The following CADM2 variants were observed in gnomAD, a reference collection of about 807,000 sequenced individuals.
CADM2 encodes the protein cell adhesion molecule 2.
In CADM2, 12 loss-of-function variants were observed where a neutral mutation model predicts 49.8. The observed-to-expected ratio is 0.24, with a 90% CI of 0.15 to 0.39. The LOEUF (loss-of-function observed/expected upper bound fraction) is 0.39, where lower values mean the gene tolerates loss of function less well. CADM2 is among the 10% of genes least tolerant of loss of function. The pLI is 1.00. For missense variants in CADM2, 378 were observed against 492.3 expected, an observed-to-expected ratio of 0.77 and a Z score of 2.20; for synonymous variants, 214 against 175.4, an observed-to-expected ratio of 1.22 and a Z score of -1.74.
chr3:85,904,031 C>T (rs1161327840), intron 5 of CADM2, among the ~76,000 whole-genome samples: 1 of 152,102 alleles, frequency 6.6e-6, no homozygotes, highest in Non-Finnish European at 1.5e-5. Context: ...GTGCTTATCT[C>T]ATCTAAACAC....
chr3:85,913,394 A>T (rs1038693898), intron 6 of CADM2, among the ~76,000 whole-genome samples: 1 of 152,210 alleles, frequency 6.6e-6, no homozygotes, highest in Non-Finnish European at 1.5e-5. Context: ...TAGATAATGA[A>T]GATTTTGTTT....
intron 6 of CADM2, among the ~76,000 whole-genome samples, chr3:85,932,347 A>G (rs1720707889): frequency 6.6e-6 from 1 of 152,188 alleles, no homozygotes; most frequent in Non-Finnish European, 1.5e-5. Flanking sequence ...AGCCTTTTAG[A>G]TATCCAAGTG....
chr3:85,062,512 A>G (rs2036369623), intron 1 of CADM2, among the ~76,000 whole-genome samples: 1 of 152,000 alleles, frequency 6.6e-6, no homozygotes, highest in Non-Finnish European at 1.5e-5. Context: ...GACAGAGCTA[A>G]TAAAAACCAA....
chr3:86,068,885 T>C lies in CADM2; in HGVS notation c.*2102T>C, dbSNP rs1428925912. The C allele has an allele frequency of 3.3e-5, 5 of 152,394 alleles. No individual in the cohort carries two copies. Among genetic ancestry groups the C allele is most frequent in the African/African-American group, 1.2e-4 (5 of 41,426 alleles). 9.4% of individuals were successfully genotyped at this position (152,394 alleles called of 1,614,324 possible). On this transcript the variant is annotated 3_prime_UTR_variant, in exon 10 of 10. Transcript: ENST00000383699. ...GGAAAAATGCAATAATATGTTAATA[T>C]AGTATGGTAGTTTGAGAGAATCAGG...
At chr3:85,897,065 A>G (rs1228351311) in intron 5 of CADM2, among the ~76,000 whole-genome samples, 2 of 152,034 alleles carry the variant, frequency 1.3e-5, no homozygotes, top group Non-Finnish European at 2.9e-5. Context: ...ATTAATAGGT[A>G]TTTAGGAAAG....
chr3:85,992,770 T>C (rs1728941373), intron 8 of CADM2: 1 of 152,254 alleles, frequency 6.6e-6, no homozygotes, highest in Non-Finnish European at 1.5e-5. Flanking sequence ...TCTTTGCTGC[T>C]GGAGCATCTT....
chr3:85,538,145 G>A (rs924419216), intron 1 of CADM2, among the ~76,000 whole-genome samples: 4 of 152,062 alleles, frequency 2.6e-5, no homozygotes, highest in African/African-American at 9.7e-5. Context: ...TGGGTGTGGG[G>A]TTATGTGGTG....
At chr3:85,115,109 A>G (rs1262051967) in intron 1 of CADM2, among the ~76,000 whole-genome samples, 1 of 152,304 alleles carries the variant, frequency 6.6e-6, no homozygotes, top group African/African-American at 2.4e-5. Context: ...TTAATAGCCA[A>G]TTTACTTCTT....
In CADM2 at chr3:85,392,992, C is replaced by T. The variant is rs189821904; in HGVS notation, c.62-333530C>T. Among the ~76,000 whole-genome samples the T allele has an allele frequency of 2.5e-3, 383 of 151,360 alleles. 2 individuals carry two copies. The highest frequency in any genetic ancestry group is 8.9e-3 in the African/African-American group (366 of 41,322). ...GTGAATTGGAAGCAAATACAGTTTT[C>T]ATCAACTTGTACAGCTGAATTCCAT... is the stretch of plus-strand genomic sequence containing the variant. On this transcript the variant is annotated intron_variant, in intron 1 of 9. Transcript: ENST00000383699.
At position 85,493,604 on chromosome 3, in the gene CADM2, C is replaced by T. The variant is rs1478564440; in HGVS notation, c.62-232918C>T. Among the ~76,000 whole-genome samples, 3 of 152,060 alleles carry T rather than the reference C, an allele frequency of 2.0e-5. No homozygotes were observed. In the East Asian group the frequency reaches 5.8e-4, roughly 29 times the overall value. The stretch of plus-strand genomic sequence containing the variant: ...AATTATACTTCCTATTTTTAAAAAA[C>T]TTTATGTCTTTTTATTCTACTAGAG... On this transcript the variant is annotated intron_variant, in intron 1 of 9. Coordinates refer to ENST00000383699, the MANE Select transcript of CADM2 (RefSeq NM_001167675.2).
chr3:85,886,406 A>G, intron 5 of CADM2, 79 bp downstream of exon 5: 2 of 1,086,114 alleles, frequency 1.8e-6, no homozygotes, highest in Non-Finnish European at 2.7e-6. Flanking sequence ...ATTTTACATT[A>G]TTTTTCAAAA....
rs759556138 is a variant in CADM2 at position 85,944,180 on chromosome 3, G to A, written c.791+8323G>A. Among the ~76,000 whole-genome samples, 88 of 151,972 alleles carry A rather than the reference G, an allele frequency of 5.8e-4. 1 individual carries two copies. Among genetic ancestry groups the A allele is most frequent in the South Asian group, 1.2e-3 (6 of 4,818 alleles). ...AAGATCAAAAGAGACAAAAAAGGCC[G>A]TTACGTAATGGTAAAGGGATCAATT... is the stretch of plus-strand genomic sequence containing the variant. On this transcript the variant is annotated intron_variant, in intron 7 of 9. Coordinates refer to ENST00000383699, the MANE Select transcript of CADM2 (RefSeq NM_001167675.2).
At chr3:86,021,805 C>T (rs891783296) in intron 8 of CADM2, among the ~76,000 whole-genome samples, 11 of 152,064 alleles carry the variant, frequency 7.2e-5, no homozygotes, top group African/African-American at 2.7e-4. Context: ...GAGAACAAAA[C>T]AGCAGTTATC....
intron 3 of CADM2, among the ~76,000 whole-genome samples, chr3:85,867,802 G>A (rs1412018953): frequency 1.3e-4 from 19 of 151,932 alleles, no homozygotes; most frequent in Admixed American, 1.0e-3. Flanking sequence ...ACAGTGAATC[G>A]GCAAGTATAA....
chr3:85,802,871 G>A (rs951975526), intron 3 of CADM2, among the ~76,000 whole-genome samples: 1 of 151,958 alleles, frequency 6.6e-6, no homozygotes, highest in Non-Finnish European at 1.5e-5. Flanking sequence ...ATTATTAGAT[G>A]AAAAAGTGAA....
intron 1 of CADM2, among the ~76,000 whole-genome samples, chr3:85,178,819 G>A (rs2040852328): frequency 6.6e-6 from 1 of 151,674 alleles, no homozygotes; most frequent in Non-Finnish European, 1.5e-5. Context: ...AGTAGACTGA[G>A]TACGTTTACT....
intron 1 of CADM2, among the ~76,000 whole-genome samples, chr3:85,497,153 G>C (rs2039940699): frequency 6.6e-6 from 1 of 152,214 alleles, no homozygotes; most frequent in Middle Eastern, 3.4e-3. Context: ...AGAAGTGTCT[G>C]CTCAAGGATT....
rs553899612 is a variant in CADM2 at position 85,742,691 on chromosome 3, A to G, written c.88+16143A>G. Among the ~76,000 whole-genome samples the G allele has an allele frequency of 1.4e-3, 206 of 152,298 alleles. 6 individuals carry two copies. In the South Asian group the frequency reaches 0.04, roughly 29 times the overall value. On this transcript the variant is annotated intron_variant, in intron 2 of 9. Transcript: ENST00000383699. Reference sequence around the variant, plus strand: ...ACAGCATGCCTGAAATCTATCTAAAATTTATCTTTTCCACATTAAAATATT... The same window carrying G: ...ACAGCATGCCTGAAATCTATCTAAAGTTTATCTTTTCCACATTAAAATATT...
chr3:85,156,922 T>A (rs2040145884), intron 1 of CADM2, among the ~76,000 whole-genome samples: 1 of 152,244 alleles, frequency 6.6e-6, no homozygotes, highest in South Asian at 2.1e-4. Context: ...GACGACATGA[T>A]TGTATATCTA....
Sources: allele counts gnomAD v4.1 joint callset (sites outside exome capture counted in the v4.1 genomes callset), GRCh38; gene constraint gnomAD v4.1.1; transcripts MANE v1.5; gene names NCBI Gene and HGNC (gene_info 2026-07-23, HGNC 2026-07-21).